The following KALRN variants were observed in gnomAD, a reference collection of about 807,000 sequenced individuals.
KALRN encodes kalirin RhoGEF kinase, also known as kalirin.
A neutral mutation model predicts 353.7 loss-of-function variants in KALRN; 70 were observed. The observed-to-expected ratio is 0.20, with a 90% confidence interval of 0.16 to 0.24. The LOEUF (loss-of-function observed/expected upper bound fraction) is 0.24. Among genes scored for constraint, KALRN ranks in the 10% least tolerant of loss-of-function variants. KALRN has a pLI of 1.00. For missense variants in KALRN, 2,791 were observed against 3,756.7 expected, an observed-to-expected ratio of 0.74 and a Z score of 6.72; for synonymous variants, 1,391 against 1,434.8, an observed-to-expected ratio of 0.97 and a Z score of 0.69.
At chr3:124,105,088 A>G (rs4678084) in intron 1 of KALRN, among the ~76,000 whole-genome samples, 90,828 of 151,962 alleles carry the variant, frequency 0.6, 30,044 homozygotes, top group Non-Finnish European at 0.75. Context: ...GAGAAAAAGA[A>G]AATGGATGTG....
chr3:124,722,271 C>T lies in KALRN; in HGVS notation c.*2801C>T, dbSNP rs983060296. On this transcript the variant is annotated 3_prime_UTR_variant, in exon 60 of 60. Transcript: ENST00000682506. ...CCCCAAGCTTTCATATCAGCTTTTACAACAGAGTTGGGAGGATCCAGATGT... is the reference window on the plus strand; with the variant it reads ...CCCCAAGCTTTCATATCAGCTTTTATAACAGAGTTGGGAGGATCCAGATGT... 1.3e-5 allele frequency: 2 copies of T among 152,042 alleles called. No homozygotes were observed. The highest frequency in any genetic ancestry group is 2.9e-5 in the Non-Finnish European group (2 of 68,030). 9.4% of individuals were successfully genotyped at this position (152,042 alleles called of 1,614,324 possible). A position where few individuals can be genotyped will look rare whatever the true frequency, so the allele number is the denominator to read the frequency against.
chr3:124,492,872 A>G lies in KALRN; in HGVS notation c.4822A>G (p.Asn1608Asp). The G allele has an allele frequency of 6.2e-7, 1 of 1,614,144 alleles. No homozygotes were observed. The highest frequency in any genetic ancestry group is 8.5e-7 in the Non-Finnish European group (1 of 1,179,972). The change falls in exon 32 of 60, where the codon AAT (asparagine) becomes GAT (aspartate). Residue 1608 changes from asparagine (N) to aspartate (D), a missense_variant. By Grantham distance (23) the Asn-to-Asp change is conservative. Coordinates refer to ENST00000682506, the MANE Select transcript of KALRN (RefSeq NM_001388419.1). ...CAAAACACCAGCCAAACAGAGGAAC[A>G]ATAGTAAGAGGTAACCAGCACCTCT... The part of the protein sequence containing the change: ...LPKTPAKQRN[N>D]SKRDGVEDID...
intron 26 of KALRN, among the ~76,000 whole-genome samples, chr3:124,475,419 G>A (rs939560708): frequency 6.6e-6 from 1 of 152,092 alleles, no homozygotes; most frequent in Admixed American, 6.6e-5. Flanking sequence ...TCTCTACTCC[G>A]CATTATTCTG....
chr3:124,418,878 G>A (rs1398081659), intron 14 of KALRN, among the ~76,000 whole-genome samples: 1 of 152,074 alleles, frequency 6.6e-6, no homozygotes, highest in Non-Finnish European at 1.5e-5. Flanking sequence ...TAATGGTCGG[G>A]TCCCAGCCGC....
At chr3:124,126,800 T>C (rs1370620362) in intron 1 of KALRN, among the ~76,000 whole-genome samples, 2 of 152,228 alleles carry the variant, frequency 1.3e-5, no homozygotes, top group Non-Finnish European at 2.9e-5. Context: ...GAGGGAATCA[T>C]TGTCACATGG....
intron 2 of KALRN, among the ~76,000 whole-genome samples, chr3:124,231,714 T>TA (rs1425924871): frequency 7.2e-5 from 11 of 151,854 alleles, no homozygotes; most frequent in South Asian, 2.1e-4. Flanking sequence ...GAACTTTATT[T>TA]TTTTTTTTTA....
At chr3:124,416,845 T>G (rs1301288727) in intron 14 of KALRN, among the ~76,000 whole-genome samples, 1 of 152,248 alleles carries the variant, frequency 6.6e-6, no homozygotes, top group Non-Finnish European at 1.5e-5. Context: ...ACTGTAGTCT[T>G]AGAAAAAGGA....
chr3:124,590,469 TAAAA>T (rs932389287), intron 34 of KALRN, among the ~76,000 whole-genome samples: 107 of 152,218 alleles, frequency 7.0e-4, no homozygotes, highest in African/African-American at 2.4e-3. Context: ...AAAATAAAAA[TAAAA>T]AAGCAAGTTG....
At chr3:124,526,134 G>A (rs781518848) in intron 33 of KALRN, among the ~76,000 whole-genome samples, 1 of 152,186 alleles carries the variant, frequency 6.6e-6, no homozygotes, top group Non-Finnish European at 1.5e-5. Context: ...AGAAAATAAT[G>A]AGCCTAGTGA....
chr3:124,242,946 A>G (rs1270563344), intron 3 of KALRN, among the ~76,000 whole-genome samples: 2 of 152,216 alleles, frequency 1.3e-5, no homozygotes, highest in Non-Finnish European at 2.9e-5. Flanking sequence ...AGAAAACAAA[A>G]GCACTTAAGA....
At chr3:124,077,163 A>G (rs2060297987) in intron 1 of KALRN, among the ~76,000 whole-genome samples, 1 of 152,194 alleles carries the variant, frequency 6.6e-6, no homozygotes, top group Non-Finnish European at 1.5e-5. Flanking sequence ...GGGACCAGAC[A>G]TTGTCTGCGC....
rs1281228029 is a variant in KALRN at position 124,080,140 on chromosome 3, A to G, written c.73+46327A>G. 6.4e-6 allele frequency: 3 copies of G among 468,064 alleles called. No homozygotes were observed. In the East Asian group the frequency reaches 2.1e-4, roughly 33 times the overall value. The allele number at this position is 468,064 out of a possible 1,614,324, so 29.0% of individuals were successfully genotyped here. On this transcript the variant is annotated intron_variant, in intron 1 of 59. Coordinates refer to ENST00000682506, the MANE Select transcript of KALRN (RefSeq NM_001388419.1). ...AGGCTGTCTGAACACGAAACTTCTAACACCTTCTGTATAGTATGAGTTAGC... is the reference window on the plus strand; with the variant it reads ...AGGCTGTCTGAACACGAAACTTCTAGCACCTTCTGTATAGTATGAGTTAGC...
At chr3:124,102,668 G>A (rs2061975472) in intron 1 of KALRN, among the ~76,000 whole-genome samples, 1 of 152,062 alleles carries the variant, frequency 6.6e-6, no homozygotes, top group South Asian at 2.1e-4. Flanking sequence ...TTCTTGTCAG[G>A]GATAATTTCC....
At chr3:124,365,694 C>G (rs2084597961) in intron 10 of KALRN, among the ~76,000 whole-genome samples, 1 of 152,226 alleles carries the variant, frequency 6.6e-6, no homozygotes, top group South Asian at 2.1e-4. Flanking sequence ...TTTAAAAGGC[C>G]TAAGCATTTA....
intron 57 of KALRN, among the ~76,000 whole-genome samples, chr3:124,711,500 G>T (rs1002015461): frequency 2.6e-5 from 4 of 152,116 alleles, no homozygotes; most frequent in African/African-American, 9.7e-5. Flanking sequence ...CTCTGCTCGT[G>T]GGTTAGGACA....
intron 5 of KALRN, among the ~76,000 whole-genome samples, chr3:124,290,982 C>T (rs2076372399): frequency 6.6e-6 from 1 of 152,074 alleles, no homozygotes; most frequent in Non-Finnish European, 1.5e-5. Flanking sequence ...CAACACCTAC[C>T]AGGGAGTCTT....
chr3:124,634,913 G>C (rs888996012), intron 36 of KALRN, among the ~76,000 whole-genome samples: 1 of 152,116 alleles, frequency 6.6e-6, no homozygotes, highest in Non-Finnish European at 1.5e-5. Context: ...AGCCTCCTGC[G>C]GGTGTGTCCT....
intron 34 of KALRN, among the ~76,000 whole-genome samples, chr3:124,603,036 G>C (rs1240012266): frequency 6.6e-6 from 1 of 152,082 alleles, no homozygotes; most frequent in East Asian, 1.9e-4. Flanking sequence ...CTGAAACCAT[G>C]GGATGGGTTA....
chr3:124,662,193 CTT>C (rs10549005), intron 45 of KALRN, among the ~76,000 whole-genome samples: 7,676 of 95,552 alleles, frequency 0.08, 98 homozygotes, highest in East Asian at 0.12. Flanking sequence ...ACCCAGAATT[CTT>C]TTTTTTTTTT....
Sources: allele counts gnomAD v4.1 joint callset (sites outside exome capture counted in the v4.1 genomes callset), GRCh38; gene constraint gnomAD v4.1.1; transcripts MANE v1.5; gene names NCBI Gene and HGNC (gene_info 2026-07-23, HGNC 2026-07-21).